Variants in SHOX observed in about 807,000 individuals in gnomAD.
SHOX encodes the protein short stature homeobox protein.
In SHOX, 12 loss-of-function variants were observed where a neutral mutation model predicts 29.6. The ratio of observed to expected loss-of-function variants is 0.41; its 90% CI spans 0.26 to 0.66. SHOX has a LOEUF of 0.66. Ranked by LOEUF, SHOX falls within the 30% of genes least tolerant of loss-of-function variation. The pLI is 0.35. For missense variants in SHOX, 499 were observed against 437.7 expected, an observed-to-expected ratio of 1.14 and a Z score of -1.25; for synonymous variants, 214 against 200.6, an observed-to-expected ratio of 1.07 and a Z score of -0.57.
rs1212536980 is a variant in SHOX, at chrX:645,119, G to C, written c.*483G>C. On this transcript the variant is annotated 3_prime_UTR_variant, in exon 5 of 5. Transcript: ENST00000686671. ...CCTTCATCCCGAGAGGCTGCGGAACGGGTGTGGATTTGAATGTGGACTTCG... is the reference window on the plus strand; with the variant it reads ...CCTTCATCCCGAGAGGCTGCGGAACCGGTGTGGATTTGAATGTGGACTTCG... 1 of 153,820 alleles carries C rather than the reference G, an allele frequency of 6.5e-6. No individual in the cohort carries two copies. The highest frequency in any genetic ancestry group is 1.4e-5 in the Non-Finnish European group (1 of 69,294). The allele number at this position is 153,820 out of a possible 1,614,324, so 9.5% of individuals were successfully genotyped here.
intron 2 of SHOX, among the ~76,000 whole-genome samples, chrX:640,518 G>A (rs774427446): frequency 1.3e-5 from 2 of 152,176 alleles, no homozygotes; most frequent in Non-Finnish European, 2.9e-5. Context: ...GGAGCTTGCA[G>A]TGAGCCGAGA....
intron 1 of SHOX, among the ~76,000 whole-genome samples, chrX:631,465 T>TCCG (rs2052647376): frequency 6.6e-6 from 1 of 152,190 alleles, no homozygotes; most frequent in Non-Finnish European, 1.5e-5. Flanking sequence ...TGGATCCGGG[T>TCCG]GGCTGTGCCT....
At chrX:635,314 T>C (rs1395011333) in intron 2 of SHOX, among the ~76,000 whole-genome samples, 1 of 151,866 alleles carries the variant, frequency 6.6e-6, no homozygotes, top group Non-Finnish European at 1.5e-5. Flanking sequence ...TAAAAAAAAA[T>C]GTGTCTTTTG....
intron 2 of SHOX, among the ~76,000 whole-genome samples, chrX:637,649 G>T (rs1252298004): frequency 6.6e-6 from 1 of 152,064 alleles, no homozygotes; most frequent in African/African-American, 2.4e-5. Flanking sequence ...TAGTAAAGGC[G>T]AGTGCGCTTT....
intron 5 of SHOX, among the ~76,000 whole-genome samples, chrX:657,631 C>G (rs1443226481): frequency 2.6e-5 from 4 of 152,182 alleles, no homozygotes; most frequent in South Asian, 2.1e-4. Flanking sequence ...TATGCACTCT[C>G]TGAGGATTTG....
chrX:658,442 T>G (rs764981056), intron 5 of SHOX, among the ~76,000 whole-genome samples: 3 of 151,986 alleles, frequency 2.0e-5, no homozygotes, highest in Non-Finnish European at 4.4e-5. Context: ...CATGCAATAT[T>G]AGGATAAGGC....
At chrX:636,723 T>TATA (rs767545020) in intron 2 of SHOX, among the ~76,000 whole-genome samples, 4,762 of 9,662 alleles carry the variant, frequency 0.49, 1,540 homozygotes, top group African/African-American at 0.74. Context: ...TATATATACA[T>TATA]AAAATATATA....
At position 639,730 on chromosome X, in the gene SHOX, G is replaced by A. The variant is rs146381357; in HGVS notation, c.487-1091G>A. Reference sequence around the variant, plus strand: ...CAATTTCTACTTCTAGGTCAGGTGCGGTGGCTCACACCTCTAATCCCAGCA... The same window carrying A: ...CAATTTCTACTTCTAGGTCAGGTGCAGTGGCTCACACCTCTAATCCCAGCA... On this transcript the variant is annotated intron_variant, in intron 2 of 4. Coordinates refer to ENST00000686671, the MANE Select transcript of SHOX (RefSeq NM_000451.4). 8.0e-3 allele frequency among the ~76,000 whole-genome samples: 1,223 copies of A among 152,196 alleles called. 14 individuals carry two copies. The highest frequency in any genetic ancestry group is 0.01 in the Non-Finnish European group (696 of 67,990).
chrX:632,242 G>T (rs2052664216), intron 1 of SHOX, among the ~76,000 whole-genome samples: 1 of 152,018 alleles, frequency 6.6e-6, no homozygotes, highest in African/African-American at 2.4e-5. Context: ...CGGCCCGGGG[G>T]AGCTCCCCTC....
chrX:636,162 CAT>C (rs2052743353), intron 2 of SHOX, among the ~76,000 whole-genome samples: 1 of 146,816 alleles, frequency 6.8e-6, no homozygotes, highest in African/African-American at 2.5e-5. Flanking sequence ...AATATATAAA[CAT>C]ACATAAATGT....
chrX:629,397 CT>C (rs2052606884), upstream of SHOX, among the ~76,000 whole-genome samples: 3 of 151,812 alleles, frequency 2.0e-5, no homozygotes, highest in East Asian at 5.8e-4. Flanking sequence ...CTCTTTCTCT[CT>C]CTCCATCTCT....
upstream of SHOX, among the ~76,000 whole-genome samples, chrX:626,589 G>GTA (rs1569492231): frequency 0.016 from 1,414 of 86,290 alleles, 64 homozygotes; most frequent in African/African-American, 0.021. Context: ...ATCTCTGTCT[G>GTA]TCTCTGTCTC....
At chrX:630,780 A>C, upstream of SHOX, 2 of 1,276,218 alleles carry the variant, frequency 1.6e-6, no homozygotes, top group Admixed American at 1.8e-5. Context: ...TGAGATTTCC[A>C]ATGGAAAGGC....
intron 2 of SHOX, among the ~76,000 whole-genome samples, chrX:638,906 G>A (rs752578768): frequency 1.3e-5 from 2 of 152,350 alleles, no homozygotes; most frequent in East Asian, 3.9e-4. Context: ...TGACTGCCTT[G>A]TGGGTCAAGG....
upstream of SHOX, among the ~76,000 whole-genome samples, chrX:626,567 GTCTCTGTCTGTA>G (rs1207520899): frequency 3.4e-4 from 5 of 14,644 alleles, no homozygotes; most frequent in African/African-American, 9.6e-4. Flanking sequence ...CTTTTTCTCT[GTCTCTGTCTGTA>G]TCTCTGTCTG....
chrX:642,415 T>G (rs1270551274), intron 4 of SHOX, among the ~76,000 whole-genome samples: 4 of 149,766 alleles, frequency 2.7e-5, no homozygotes, highest in Non-Finnish European at 4.4e-5. Context: ...TGCAGGGACT[T>G]GGGGGGTGGC....
chrX:626,659 TTC>T (rs1289039772), upstream of SHOX, among the ~76,000 whole-genome samples: 1 of 66,962 alleles, frequency 1.5e-5, no homozygotes. Flanking sequence ...CTCTCTCTTT[TTC>T]TCTGTCTCTG....
chrX:644,685 C>G lies in SHOX; in HGVS notation c.*49C>G. On this transcript the variant is annotated 3_prime_UTR_variant, in exon 5 of 5. Coordinates refer to ENST00000686671, the MANE Select transcript of SHOX (RefSeq NM_000451.4). Reference sequence around the variant, plus strand: ...CCCGGACTCCCGGGCTCCGCGCACCCCGCCTGCACCGCGCGTCCTGCACTC... The same window carrying G: ...CCCGGACTCCCGGGCTCCGCGCACCGCGCCTGCACCGCGCGTCCTGCACTC... 7.3e-7 allele frequency: 1 copy of G among 1,376,380 alleles called. No homozygotes were observed. Among genetic ancestry groups the G allele is most frequent in the Non-Finnish European group, 9.3e-7 (1 of 1,076,200 alleles). The allele number at this position is 1,376,380 out of a possible 1,614,324, so 85.3% of individuals were successfully genotyped here.
At chrX:631,350 G>T (rs961825577) in intron 1 of SHOX, 176 bp downstream of exon 1, 5 of 346,504 alleles carry the variant, frequency 1.4e-5, no homozygotes, top group African/African-American at 8.9e-5. Flanking sequence ...GAGTGGACCC[G>T]ACCGGAGACG....
Sources: gnomAD v4.1 joint callset for allele counts (sites outside exome capture counted in the v4.1 genomes callset) on GRCh38, gnomAD v4.1.1 for gene constraint, MANE v1.5 for transcripts, NCBI Gene and HGNC (gene_info 2026-07-23, HGNC 2026-07-21) for gene names.